The following KLHL29 variants were observed in gnomAD, a reference collection of about 807,000 sequenced individuals.
KLHL29 encodes the protein kelch like family member 29, also known as kelch-like protein 29.
KLHL29 carries 21 observed loss-of-function variants against 80.4 expected under a neutral mutation model. That is an observed-to-expected ratio of 0.26 (90% CI 0.19 to 0.38). The LOEUF is 0.38. Ranked by LOEUF, KLHL29 falls within the 10% of genes least tolerant of loss-of-function variation. KLHL29 has a pLI of 1.00. For missense variants in KLHL29, 867 were observed against 1,223.9 expected, an observed-to-expected ratio of 0.71 and a Z score of 4.35; for synonymous variants, 511 against 526.8, an observed-to-expected ratio of 0.97 and a Z score of 0.41.
At chr2:23,525,169 C>T (rs528963289) in intron 2 of KLHL29, among the ~76,000 whole-genome samples, 12 of 152,236 alleles carry the variant, frequency 7.9e-5, no homozygotes, top group Non-Finnish European at 1.5e-4. Context: ...TGTCTCGGCA[C>T]GTAGGAGGGA....
At chr2:23,487,779 T>C (rs1349774050) in intron 2 of KLHL29, among the ~76,000 whole-genome samples, 1 of 152,210 alleles carries the variant, frequency 6.6e-6, no homozygotes, top group Non-Finnish European at 1.5e-5. Context: ...CCCTGTTTTT[T>C]CTTCTCAGGG....
intron 2 of KLHL29, among the ~76,000 whole-genome samples, chr2:23,547,823 T>C (rs4665220): frequency 0.4 from 60,945 of 151,802 alleles, 13,648 homozygotes; most frequent in East Asian, 0.88. Context: ...ACAGGCTCTG[T>C]AGTGAGAAGA....
At chr2:23,534,457 C>G (rs973028270) in intron 2 of KLHL29, among the ~76,000 whole-genome samples, 1 of 152,096 alleles carries the variant, frequency 6.6e-6, no homozygotes, top group African/African-American at 2.4e-5. Flanking sequence ...TATTGAAATC[C>G]TTTGCGTCCT....
At chr2:23,520,214 A>G (rs932036152) in intron 2 of KLHL29, among the ~76,000 whole-genome samples, 6 of 152,176 alleles carry the variant, frequency 3.9e-5, no homozygotes, top group Non-Finnish European at 8.8e-5. Flanking sequence ...CAGCCCAGAC[A>G]AGGCCAAATC....
At chr2:23,408,301 A>AAAAAAAAAAAT (rs1666781340) in intron 1 of KLHL29, among the ~76,000 whole-genome samples, 1 of 97,338 alleles carries the variant, frequency 1.0e-5, no homozygotes, top group Non-Finnish European at 2.1e-5. Context: ...AAAAAAAAAA[A>AAAAAAAAAAAT]TTGAGTTTTT....
intron 1 of KLHL29, among the ~76,000 whole-genome samples, chr2:23,467,817 G>A (rs527897346): frequency 7.9e-5 from 12 of 152,168 alleles, no homozygotes; most frequent in Middle Eastern, 3.4e-3. Flanking sequence ...GAGAGTGGTC[G>A]CTGACCAGTG....
At chr2:23,607,296 G>A (rs1668752502) in intron 3 of KLHL29, among the ~76,000 whole-genome samples, 1 of 152,170 alleles carries the variant, frequency 6.6e-6, no homozygotes, top group Non-Finnish European at 1.5e-5. Flanking sequence ...AGACCACACA[G>A]GAGCTCAGAG....
intron 1 of KLHL29, among the ~76,000 whole-genome samples, chr2:23,464,784 C>T (rs1664302138): frequency 6.6e-6 from 1 of 152,106 alleles, no homozygotes; most frequent in Non-Finnish European, 1.5e-5. Context: ...AAAGTCTGAA[C>T]ATTTCTTATG....
chr2:23,666,558 G>A (rs1170236696), intron 5 of KLHL29, among the ~76,000 whole-genome samples: 1 of 152,252 alleles, frequency 6.6e-6, no homozygotes, highest in Non-Finnish European at 1.5e-5. Flanking sequence ...AAGTTATGGA[G>A]ACCATGACTG....
At chr2:23,554,135 C>T (rs572413266) in intron 2 of KLHL29, among the ~76,000 whole-genome samples, 2 of 152,192 alleles carry the variant, frequency 1.3e-5, no homozygotes, top group South Asian at 2.1e-4. Context: ...CCCCACCTCC[C>T]GCTAACATCC....
At chr2:23,623,645 T>TC (rs1167709956) in intron 3 of KLHL29, among the ~76,000 whole-genome samples, 2 of 151,424 alleles carry the variant, frequency 1.3e-5, no homozygotes, top group Non-Finnish European at 2.9e-5. Context: ...GGGGCCGGAG[T>TC]CCCCCCGCAG....
At chr2:23,578,853 G>A (rs1345972400) in intron 3 of KLHL29, among the ~76,000 whole-genome samples, 4 of 152,278 alleles carry the variant, frequency 2.6e-5, no homozygotes, top group East Asian at 1.9e-4. Flanking sequence ...CAGGCATCTC[G>A]GCAATAGTAC....
intron 3 of KLHL29, among the ~76,000 whole-genome samples, chr2:23,612,153 A>G (rs1668886933): frequency 6.6e-6 from 1 of 152,250 alleles, no homozygotes; most frequent in Admixed American, 6.5e-5. Context: ...CTTTACAAGC[A>G]GGATAAATGA....
intron 1 of KLHL29, among the ~76,000 whole-genome samples, chr2:23,431,328 C>T (rs1294823941): frequency 6.6e-6 from 1 of 152,254 alleles, no homozygotes; most frequent in East Asian, 1.9e-4. Context: ...AATAAGACCA[C>T]AGCTGGTTTT....
chr2:23,491,659 G>A (rs144384170), intron 2 of KLHL29, among the ~76,000 whole-genome samples: 385 of 152,206 alleles, frequency 2.5e-3, no homozygotes, highest in Middle Eastern at 6.8e-3. Context: ...AGCCCTCCGG[G>A]TGCTACTGAT....
intron 1 of KLHL29, among the ~76,000 whole-genome samples, chr2:23,387,509 T>TATTATTA (rs1240951631): frequency 5.1e-4 from 10 of 19,516 alleles, no homozygotes; most frequent in African/African-American, 2.6e-3. Flanking sequence ...CCTGATTTAT[T>TATTATTA]ATTATTATTA....
intron 1 of KLHL29, among the ~76,000 whole-genome samples, chr2:23,466,154 A>G (rs1265468849): frequency 6.6e-6 from 1 of 152,132 alleles, no homozygotes; most frequent in African/African-American, 2.4e-5. Flanking sequence ...TACTTGCACC[A>G]TTTCCGTCCG....
chr2:23,507,057 C>T (rs1051876431), intron 2 of KLHL29: 7 of 422,162 alleles, frequency 1.7e-5, no homozygotes, highest in African/African-American at 1.4e-4. Context: ...TGCAGCCGAC[C>T]CTGGGGTTCT....
At chr2:23,601,996 C>T (rs1268527425) in intron 3 of KLHL29, among the ~76,000 whole-genome samples, 1 of 152,122 alleles carries the variant, frequency 6.6e-6, no homozygotes, top group African/African-American at 2.4e-5. Flanking sequence ...TTGACGGGGG[C>T]TGAGGCAGGG....
Sources: gnomAD v4.1 joint callset for allele counts (sites outside exome capture counted in the v4.1 genomes callset) on GRCh38, gnomAD v4.1.1 for gene constraint, MANE v1.5 for transcripts, NCBI Gene and HGNC (gene_info 2026-07-23, HGNC 2026-07-21) for gene names.